The following PACRG variants were observed in gnomAD, a reference collection of about 807,000 sequenced individuals.
The protein encoded by PACRG is parkin coregulated, also known as parkin coregulated gene protein.
Under a neutral mutation model 29.7 loss-of-function variants are expected in PACRG, and 29 were observed. The ratio of observed to expected loss-of-function variants is 0.98; its 90% CI spans 0.73 to 1.33. The LOEUF (loss-of-function observed/expected upper bound fraction) is 1.33. PACRG is among the 40% of genes most tolerant of loss of function. The probability of loss-of-function intolerance (pLI) is 0.00; values close to 1 mark genes in which losing one functional copy is unlikely to be tolerated. For synonymous variants in PACRG, 116 were observed against 118.7 expected, an observed-to-expected ratio of 0.98 and a Z score of 0.15; for missense variants, 279 against 316.2, an observed-to-expected ratio of 0.88 and a Z score of 0.89.
chr6:162,845,403 T>C (rs1790278573), intron 2 of PACRG, among the ~76,000 whole-genome samples: 1 of 151,904 alleles, frequency 6.6e-6, no homozygotes, highest in African/African-American at 2.4e-5. Flanking sequence ...TTTTTTTTTT[T>C]GGTGGGAAGG....
chr6:163,166,187 C>T (rs1435425558), intron 4 of PACRG: 2 of 456,306 alleles, frequency 4.4e-6, no homozygotes, highest in East Asian at 1.4e-4. Flanking sequence ...GTTTCCTCTG[C>T]ATCTGCCGAG....
chr6:163,085,374 C>A (rs1360664689), intron 3 of PACRG, among the ~76,000 whole-genome samples: 1 of 152,108 alleles, frequency 6.6e-6, no homozygotes, highest in Non-Finnish European at 1.5e-5. Flanking sequence ...AAGAAAGAAA[C>A]CCAGGATCTC....
chr6:163,038,330 AT>A (rs1194405834), intron 2 of PACRG, among the ~76,000 whole-genome samples: 1 of 152,208 alleles, frequency 6.6e-6, no homozygotes, highest in Non-Finnish European at 1.5e-5. Context: ...TATTTGGTGT[AT>A]TTGGAACTGA....
intron 1 of PACRG, 145 bp from the exon 2 acceptor site, chr6:162,814,002 T>A (rs1787104735): frequency 1.2e-6 from 1 of 817,584 alleles, no homozygotes; most frequent in Non-Finnish European, 1.8e-6. Context: ...ATTAACAGAT[T>A]TCTGTTGTCC....
intron 4 of PACRG, among the ~76,000 whole-genome samples, chr6:163,242,734 C>T (rs1782549385): frequency 1.3e-5 from 2 of 152,194 alleles, no homozygotes; most frequent in Admixed American, 6.5e-5. Context: ...CTTTAGAATA[C>T]TTCACAGATT....
At chr6:163,129,374 C>T (rs1816642606) in intron 4 of PACRG, among the ~76,000 whole-genome samples, 1 of 152,200 alleles carries the variant, frequency 6.6e-6, no homozygotes, top group Non-Finnish European at 1.5e-5. Flanking sequence ...ATGGCATGTA[C>T]AGTACCTGAG....
At chr6:162,729,695 T>C (rs549445622) in intron 1 of PACRG, among the ~76,000 whole-genome samples, 9 of 152,254 alleles carry the variant, frequency 5.9e-5, no homozygotes, top group African/African-American at 1.9e-4. Context: ...TTGATGTTTT[T>C]TAATGTTATA....
At chr6:163,160,629 A>G (rs1778517451) in intron 4 of PACRG, among the ~76,000 whole-genome samples, 1 of 152,228 alleles carries the variant, frequency 6.6e-6, no homozygotes, top group Non-Finnish European at 1.5e-5. Context: ...TGCTGCGTGG[A>G]CAATATGGAC....
At chr6:163,271,885 A>C (rs887629299) in intron 4 of PACRG, among the ~76,000 whole-genome samples, 3 of 152,186 alleles carry the variant, frequency 2.0e-5, no homozygotes, top group Non-Finnish European at 4.4e-5. Context: ...TGTAATGCTC[A>C]GTTTCCCTGA....
chr6:163,307,275 A>G (rs1279581659), intron 4 of PACRG, among the ~76,000 whole-genome samples: 3 of 152,252 alleles, frequency 2.0e-5, no homozygotes, highest in Admixed American at 6.5e-5. Context: ...ATGATGGCTT[A>G]GTAACCTAGT....
chr6:163,107,114 G>A (rs1815426269), intron 4 of PACRG, among the ~76,000 whole-genome samples: 1 of 151,886 alleles, frequency 6.6e-6, no homozygotes, highest in Non-Finnish European at 1.5e-5. Context: ...AATAGATAAA[G>A]GAAAAAGAAG....
rs1050095121 is a variant in PACRG at position 163,095,328 on chromosome 6, C to T, written c.613+5920C>T. The T allele has an allele frequency of 6.1e-6, 6 of 985,300 alleles. No homozygotes were observed. In the African/African-American group the frequency reaches 8.7e-5, roughly 14 times the overall value. 61.0% of individuals were successfully genotyped at this position (985,300 alleles called of 1,614,324 possible). A position where few individuals can be genotyped will look rare whatever the true frequency, so the allele number is the denominator to read the frequency against. ...AAATTACGTCTCTATGTGCTCTTCT[C>T]TGTAGACCTCCCTGGTTGCGCCTGC... On this transcript the variant is annotated intron_variant, in intron 4 of 4. Coordinates refer to ENST00000366888, the MANE Select transcript of PACRG (RefSeq NM_001080379.2).
At chr6:162,770,140 T>C (rs1783105719) in intron 1 of PACRG, among the ~76,000 whole-genome samples, 1 of 152,188 alleles carries the variant, frequency 6.6e-6, no homozygotes, top group Non-Finnish European at 1.5e-5. Flanking sequence ...CTGCTAAGGC[T>C]TTTTAAACTT....
chr6:163,300,966 G>A (rs12190333), intron 4 of PACRG, among the ~76,000 whole-genome samples: 34 of 126,816 alleles, frequency 2.7e-4, no homozygotes, highest in African/African-American at 7.7e-4. Flanking sequence ...GGCCACGTCC[G>A]CTGCTTCCCG....
chr6:163,062,125 G>T (rs202194836), intron 2 of PACRG, 25 bp from the exon 3 acceptor site: 2 of 1,611,006 alleles, frequency 1.2e-6, no homozygotes, highest in African/African-American at 2.7e-5. Context: ...TTTTCACATG[G>T]CGTCTCTTCT....
At chr6:163,145,694 C>T (rs933392061) in intron 4 of PACRG, among the ~76,000 whole-genome samples, 3 of 152,202 alleles carry the variant, frequency 2.0e-5, no homozygotes, top group Non-Finnish European at 2.9e-5. Context: ...GTACCTGGAG[C>T]GGTTAATCCA....
intron 4 of PACRG, among the ~76,000 whole-genome samples, chr6:163,302,235 C>A: frequency 6.7e-6 from 1 of 148,936 alleles, no homozygotes; most frequent in South Asian, 2.1e-4. Context: ...CTCTCTCTCT[C>A]TTTTTTTTGT....
chr6:162,748,242 G>A (rs763861189), intron 1 of PACRG, among the ~76,000 whole-genome samples: 12 of 152,176 alleles, frequency 7.9e-5, no homozygotes, highest in Non-Finnish European at 1.8e-4. Context: ...TGTAATTCCA[G>A]CACTTTGGGA....
At chr6:162,833,815 G>A (rs112019104) in intron 2 of PACRG, among the ~76,000 whole-genome samples, 2 of 151,976 alleles carry the variant, frequency 1.3e-5, no homozygotes, top group Non-Finnish European at 2.9e-5. Flanking sequence ...ATTTTTATAA[G>A]TATTGATGCA....
Sources: gnomAD v4.1 joint callset for allele counts (sites outside exome capture counted in the v4.1 genomes callset) on GRCh38, gnomAD v4.1.1 for gene constraint, MANE v1.5 for transcripts, NCBI Gene and HGNC (gene_info 2026-07-23, HGNC 2026-07-21) for gene names.